NEBL: variants seen among roughly 807,000 people sequenced by gnomAD.
NEBL encodes nebulette.
Under a neutral mutation model 140.2 loss-of-function variants are expected in NEBL, and 122 were observed. The observed-to-expected ratio is 0.87, with a 90% CI of 0.75 to 1.01. The LOEUF is 1.01. Among genes scored for constraint, NEBL ranks in the 50% least tolerant of loss-of-function variants. NEBL has a pLI of 0.00. For synonymous variants in NEBL, 436 were observed against 398.9 expected (o/e 1.09, Z -1.11); for missense variants, 1,365 against 1,231.3 (o/e 1.11, Z -1.62).
chr10:20,857,325 G>A (rs1474411013), intron 9 of NEBL, among the ~76,000 whole-genome samples: 1 of 152,092 alleles, frequency 6.6e-6, no homozygotes, highest in African/African-American at 2.4e-5. Flanking sequence ...TGGAAACTAA[G>A]TTTTGCCTAT....
chr10:21,071,687 T>C (rs996513730), intron 2 of NEBL, among the ~76,000 whole-genome samples: 1 of 152,186 alleles, frequency 6.6e-6, no homozygotes, highest in Non-Finnish European at 1.5e-5. Flanking sequence ...TCATCCAGGA[T>C]TGGTTTACTA....
At chr10:21,047,429 T>C (rs1322527724) in intron 2 of NEBL, among the ~76,000 whole-genome samples, 5 of 152,194 alleles carry the variant, frequency 3.3e-5, no homozygotes, top group African/African-American at 9.6e-5. Context: ...TGCAATGCTT[T>C]AGTTATTTCT....
intron 2 of NEBL, among the ~76,000 whole-genome samples, chr10:21,147,382 C>A (rs1839941835): frequency 6.6e-6 from 1 of 151,058 alleles, no homozygotes; most frequent in African/African-American, 2.5e-5. Context: ...TTCTCTGACC[C>A]TGTTTCTCCT....
rs1333247748 is a variant in NEBL, at chr10:20,808,515, T to C, written c.2756A>G (p.Glu919Gly). The C allele has an allele frequency of 2.5e-6, 4 of 1,613,790 alleles. No individual in the cohort carries two copies. Among genetic ancestry groups the C allele is most frequent in the Non-Finnish European group, 3.4e-6 (4 of 1,179,858 alleles). The change falls in exon 26 of 28, where the codon GAA (glutamate) becomes GGA (glycine). Residue 919 changes from glutamate to glycine, a missense_variant. This residue lies in a region of NEBL where 1,323 missense variants were observed against 1,154.8 expected (regional missense o/e 1.15). Transcript: ENST00000377122. ...AAGCAGTGAATGTTTGATACCTCCT[T>C]CATCAGACGGTCTTGTTACCTCACT... is the stretch of plus-strand genomic sequence containing the variant. ...CCSEVTRPSDEGAPVLPGAYQ... is the reference protein window; with the variant it reads ...CCSEVTRPSDGGAPVLPGAYQ...
At chr10:20,976,710 G>A (rs1366768431) in intron 3 of NEBL, among the ~76,000 whole-genome samples, 2 of 152,118 alleles carry the variant, frequency 1.3e-5, no homozygotes, top group African/African-American at 4.8e-5. Flanking sequence ...ATAAATAGGA[G>A]CTAAACATTG....
intron 3 of NEBL, among the ~76,000 whole-genome samples, chr10:21,202,198 T>A (rs1841748463): frequency 6.6e-6 from 1 of 152,188 alleles, no homozygotes; most frequent in Admixed American, 6.5e-5. Flanking sequence ...TAAATGTGAA[T>A]AGATGTGAAC....
chr10:20,829,367 A>G (rs1427139361), intron 16 of NEBL, among the ~76,000 whole-genome samples: 1 of 147,682 alleles, frequency 6.8e-6, no homozygotes, highest in Non-Finnish European at 1.5e-5. Context: ...ATTCTCACTC[A>G]TAGGTGGGAA....
chr10:20,819,988 T>C (rs1229078554), intron 19 of NEBL, among the ~76,000 whole-genome samples: 2 of 152,164 alleles, frequency 1.3e-5, no homozygotes, highest in South Asian at 2.1e-4. Context: ...TAATAATGAA[T>C]AATCCCCTCA....
chr10:21,154,846 A>G (rs1840277785), intron 2 of NEBL, among the ~76,000 whole-genome samples: 1 of 152,320 alleles, frequency 6.6e-6, no homozygotes, highest in Non-Finnish European at 1.5e-5. Flanking sequence ...GTGGGTGTAT[A>G]GTAGGTGTAT....
chr10:21,280,549 C>A (rs1300280732), intron 1 of NEBL, among the ~76,000 whole-genome samples: 1 of 151,430 alleles, frequency 6.6e-6, no homozygotes, highest in Non-Finnish European at 1.5e-5. Flanking sequence ...GAACAGGGGT[C>A]CCCCAGAGTC....
chr10:21,153,786 T>A (rs2132133897), intron 2 of NEBL, among the ~76,000 whole-genome samples: 1 of 152,156 alleles, frequency 6.6e-6, no homozygotes, highest in Non-Finnish European at 1.5e-5. Context: ...AGTGCTGGGG[T>A]TACAGGCGTG....
At chr10:21,048,102 C>T (rs538836516) in intron 2 of NEBL, among the ~76,000 whole-genome samples, 1 of 152,296 alleles carries the variant, frequency 6.6e-6, no homozygotes, top group East Asian at 1.9e-4. Flanking sequence ...TCTGCTGTGG[C>T]AGCTTCACCA....
At chr10:21,184,037 G>A (rs528540170) in intron 3 of NEBL, among the ~76,000 whole-genome samples, 4 of 152,240 alleles carry the variant, frequency 2.6e-5, no homozygotes, top group South Asian at 2.1e-4. Context: ...TGTGAAGTCC[G>A]TTAAACCTCT....
At chr10:20,929,892 C>T (rs1589028697) in intron 4 of NEBL, among the ~76,000 whole-genome samples, 1 of 152,254 alleles carries the variant, frequency 6.6e-6, no homozygotes, top group South Asian at 2.1e-4. Context: ...TTTAACAAAA[C>T]TGCACCTGTA....
At chr10:20,931,543 A>G (rs555957154) in intron 4 of NEBL, among the ~76,000 whole-genome samples, 2 of 152,376 alleles carry the variant, frequency 1.3e-5, no homozygotes, top group South Asian at 4.1e-4. Context: ...GAGGACTGTC[A>G]GTCCTTTTGC....
chr10:21,122,383 G>T (rs1330678496), intron 2 of NEBL, among the ~76,000 whole-genome samples: 2 of 151,960 alleles, frequency 1.3e-5, no homozygotes, highest in Non-Finnish European at 2.9e-5. Flanking sequence ...GTGCCACTAA[G>T]TCAAAACTCT....
At chr10:21,049,397 G>A (rs375325438) in intron 2 of NEBL, among the ~76,000 whole-genome samples, 2 of 152,036 alleles carry the variant, frequency 1.3e-5, no homozygotes, top group Non-Finnish European at 2.9e-5. Context: ...TGTAGATTTG[G>A]GTGAGAACTT....
In NEBL at chr10:20,789,055, CA is replaced by C. The variant is rs1379598935; in HGVS notation, c.2762-1748del. On this transcript the variant is annotated intron_variant, in intron 26 of 27. Transcript: ENST00000377122. ...GGCATGCCAGGAAGAAAAGGGGTGA[CA>C]AAAACAATTGCTCTCCTGGAGCACC... 5.3e-5 allele frequency among the ~76,000 whole-genome samples: 8 copies of C among 152,154 alleles called. 1 individual carries two copies. The highest frequency in any genetic ancestry group is 1.9e-4 in the African/African-American group (8 of 41,452).
At chr10:20,836,813 T>C (rs1358571810) in intron 13 of NEBL, among the ~76,000 whole-genome samples, 2 of 151,674 alleles carry the variant, frequency 1.3e-5, no homozygotes, top group East Asian at 1.9e-4. Context: ...CCCTTCAAAC[T>C]CTCTGCAAGC....
Sources: allele counts gnomAD v4.1 joint callset (sites outside exome capture counted in the v4.1 genomes callset), GRCh38; gene constraint gnomAD v4.1.1; regional missense constraint gnomAD v4.1.1; transcripts MANE v1.5; gene names NCBI Gene and HGNC (gene_info 2026-07-23, HGNC 2026-07-21).